Variants in UGGT2 observed in about 807,000 individuals in gnomAD.
UGGT2 encodes UDP-glucose:glycoprotein glucosyltransferase 2.
A neutral mutation model predicts 192.1 loss-of-function variants in UGGT2; 180 were observed. The observed-to-expected ratio is 0.94, with a 90% CI of 0.83 to 1.06. UGGT2 has a LOEUF of 1.06. UGGT2 is among the 50% of genes least tolerant of loss of function. The pLI, the probability that UGGT2 is intolerant of heterozygous loss-of-function variation, is 0.00. For missense variants in UGGT2, 1,849 were observed against 1,795.7 expected, an observed-to-expected ratio of 1.03 and a Z score of -0.54; for synonymous variants, 580 against 591.0, an observed-to-expected ratio of 0.98 and a Z score of 0.27.
At chr13:96,047,224 G>A (rs2053341424) in intron 1 of UGGT2, among the ~76,000 whole-genome samples, 1 of 152,200 alleles carries the variant, frequency 6.6e-6, no homozygotes, top group Admixed American at 6.5e-5. Flanking sequence ...CTTCCCAGTA[G>A]GGGCCGACTG....
rs529612021 is a variant in UGGT2, at chr13:96,021,397, A to G, written c.485+1643T>C. On this transcript the variant is annotated intron_variant, in intron 4 of 38. Coordinates refer to ENST00000376747, the MANE Select transcript of UGGT2 (RefSeq NM_020121.4). Reference sequence around the variant, plus strand: ...TTTAAACATTACAAAATTTCCTTTAAAAGATGCACTAGTGAGTTATATTAT... The same window carrying G: ...TTTAAACATTACAAAATTTCCTTTAGAAGATGCACTAGTGAGTTATATTAT... 2.0e-5 allele frequency among the ~76,000 whole-genome samples: 3 copies of G among 152,328 alleles called. No homozygotes were observed. The East Asian group carries it at 5.8e-4, about 29-fold the overall frequency.
At chr13:95,949,943 T>A (rs1243403125) in intron 12 of UGGT2, among the ~76,000 whole-genome samples, 1 of 152,170 alleles carries the variant, frequency 6.6e-6, no homozygotes, top group Admixed American at 6.5e-5. Flanking sequence ...TTTAGAGGCA[T>A]GTGGTCGGGG....
At chr13:95,827,359 G>A (rs867179617) in intron 38 of UGGT2, among the ~76,000 whole-genome samples, 24 of 152,170 alleles carry the variant, frequency 1.6e-4, no homozygotes, top group African/African-American at 4.8e-4. Context: ...GGTCATAAGC[G>A]TAGACCCTAA....
intron 1 of UGGT2, among the ~76,000 whole-genome samples, chr13:96,046,591 C>T (rs1566858802): frequency 1.3e-5 from 2 of 152,170 alleles, no homozygotes; most frequent in Admixed American, 1.3e-4. Flanking sequence ...GTACCAGGTT[C>T]ATCTCATTGG....
intron 16 of UGGT2, among the ~76,000 whole-genome samples, chr13:95,939,303 T>C (rs1372631841): frequency 6.6e-6 from 1 of 152,214 alleles, no homozygotes; most frequent in Non-Finnish European, 1.5e-5. Context: ...GGATTCTGCT[T>C]AAATATCACT....
At chr13:96,034,854 G>A (rs779424172) in intron 1 of UGGT2, among the ~76,000 whole-genome samples, 7 of 152,168 alleles carry the variant, frequency 4.6e-5, no homozygotes, top group East Asian at 1.9e-4. Flanking sequence ...ACTCACCGCC[G>A]CCCTGCACCT....
intron 38 of UGGT2, among the ~76,000 whole-genome samples, chr13:95,804,115 G>T (rs1352956230): frequency 6.6e-6 from 1 of 151,960 alleles, no homozygotes; most frequent in Non-Finnish European, 1.5e-5. Flanking sequence ...TAATGTCAAA[G>T]AATTTTTTCA....
chr13:95,869,029 T>G, intron 29 of UGGT2, among the ~76,000 whole-genome samples: 1 of 128,428 alleles, frequency 7.8e-6, no homozygotes, highest in African/African-American at 2.9e-5. Context: ...ATGCTATCCC[T>G]CCCCCCTCCC....
At chr13:95,996,032 T>A in intron 7 of UGGT2, 31 bp downstream of exon 7, 1 of 1,591,016 alleles carries the variant, frequency 6.3e-7, no homozygotes, top group Non-Finnish European at 8.6e-7. Flanking sequence ...ATGGGTATAA[T>A]AATACCAATT....
chr13:95,936,683 G>A (rs2049475471), intron 17 of UGGT2, among the ~76,000 whole-genome samples: 1 of 152,316 alleles, frequency 6.6e-6, no homozygotes, highest in East Asian at 1.9e-4. Context: ...GAGGACAGTG[G>A]GTGTTCCAGA....
chr13:95,881,622 TTA>T (rs921397900), intron 27 of UGGT2, among the ~76,000 whole-genome samples: 1 of 152,190 alleles, frequency 6.6e-6, no homozygotes, highest in African/African-American at 2.4e-5. Context: ...TCAAAATTAT[TTA>T]TGTTTCAGAG....
At chr13:95,865,782 A>G (rs945035600) in intron 30 of UGGT2, among the ~76,000 whole-genome samples, 1 of 152,208 alleles carries the variant, frequency 6.6e-6, no homozygotes, top group African/African-American at 2.4e-5. Context: ...TTCAAATGTT[A>G]CTTGTACCCC....
chr13:95,821,204 C>G (rs1157250364), intron 38 of UGGT2, among the ~76,000 whole-genome samples: 2 of 152,130 alleles, frequency 1.3e-5, no homozygotes, highest in Admixed American at 6.6e-5. Flanking sequence ...ACAGTCCCAA[C>G]AGTAGGGTAA....
At chr13:95,961,199 C>A (rs185491528) in intron 12 of UGGT2, among the ~76,000 whole-genome samples, 12 of 151,852 alleles carry the variant, frequency 7.9e-5, no homozygotes, top group Non-Finnish European at 1.6e-4. Context: ...ACAGAGAACA[C>A]ACAAAATAAA....
At chr13:95,943,095 A>G (rs1322865387) in intron 15 of UGGT2, among the ~76,000 whole-genome samples, 1 of 152,064 alleles carries the variant, frequency 6.6e-6, no homozygotes, top group Non-Finnish European at 1.5e-5. Context: ...TCTTTCCCTG[A>G]ACCAATACCA....
intron 4 of UGGT2, among the ~76,000 whole-genome samples, chr13:96,015,460 T>TAGA (rs757550417): frequency 8.5e-4 from 129 of 152,222 alleles, no homozygotes; most frequent in Non-Finnish European, 1.1e-3. Context: ...CCTGTACCTA[T>TAGA]AGACACATAA....
chr13:95,873,573 T>G (rs1891407313), intron 29 of UGGT2, among the ~76,000 whole-genome samples: 1 of 152,232 alleles, frequency 6.6e-6, no homozygotes, highest in Non-Finnish European at 1.5e-5. Context: ...CCCTTATATA[T>G]ACTGCTAGTT....
At chr13:95,810,792 A>C (rs1884542685) in intron 38 of UGGT2, among the ~76,000 whole-genome samples, 1 of 152,230 alleles carries the variant, frequency 6.6e-6, no homozygotes, top group Non-Finnish European at 1.5e-5. Flanking sequence ...AAACATTTGT[A>C]CCACAGAGGA....
At chr13:95,940,460 T>C (rs1431531834) in intron 15 of UGGT2, among the ~76,000 whole-genome samples, 2 of 147,216 alleles carry the variant, frequency 1.4e-5, no homozygotes, top group South Asian at 2.2e-4. Context: ...TTTTTCTTTT[T>C]TTTTTTTTTT....
Sources: allele counts gnomAD v4.1 joint callset (sites outside exome capture counted in the v4.1 genomes callset), GRCh38; gene constraint gnomAD v4.1.1; transcripts MANE v1.5; gene names NCBI Gene and HGNC (gene_info 2026-07-23, HGNC 2026-07-21).